The following XCR1 variants were observed in gnomAD, a reference collection of about 807,000 sequenced individuals.
XCR1 encodes X-C motif chemokine receptor 1, also known as chemokine XC receptor 1.
For missense variants in XCR1, 356 were observed against 424.2 expected (o/e 0.84, Z 1.41); for synonymous variants, 187 against 188.5 (o/e 0.99, Z 0.06).
chr3:46,047,965 G>A (rs1282530018), intron 5 of XCR1, among the ~76,000 whole-genome samples: 4 of 152,200 alleles, frequency 2.6e-5, no homozygotes, highest in Non-Finnish European at 1.5e-5. Flanking sequence ...CACAATTAGG[G>A]CGACTGGGCC....
At chr3:46,049,321 C>T (rs1697695801) in intron 5 of XCR1, among the ~76,000 whole-genome samples, 1 of 152,060 alleles carries the variant, frequency 6.6e-6, no homozygotes, top group Non-Finnish European at 1.5e-5. Flanking sequence ...TGAGTAAGGG[C>T]GGAAGTATTT....
chr3:46,043,717 T>TACACAC (rs144432920), intron 5 of XCR1, among the ~76,000 whole-genome samples: 6,299 of 141,330 alleles, frequency 0.045, 163 homozygotes, highest in Middle Eastern at 0.065. Context: ...ACCTCATCTC[T>TACACAC]ACACACACAC....
At chr3:46,056,985 C>G (rs1389732037) in intron 4 of XCR1, among the ~76,000 whole-genome samples, 1 of 152,108 alleles carries the variant, frequency 6.6e-6, no homozygotes, top group East Asian at 1.9e-4. Flanking sequence ...AAGGATAAAT[C>G]AACTGTGGAA....
At chr3:46,029,775 A>G (rs1400690220), upstream of XCR1, among the ~76,000 whole-genome samples, 1 of 152,230 alleles carries the variant, frequency 6.6e-6, no homozygotes, top group Non-Finnish European at 1.5e-5. Context: ...CGTTTTAACA[A>G]TATTGGGTCT....
chr3:46,084,640 C>T (rs1313935233), intron 1 of XCR1, among the ~76,000 whole-genome samples: 1 of 152,146 alleles, frequency 6.6e-6, no homozygotes, highest in Non-Finnish European at 1.5e-5. Context: ...TTTAAAAATC[C>T]ACTTGTACAG....
At chr3:46,025,281 A>G (rs1174900601) in intron 1 of XCR1, among the ~76,000 whole-genome samples, 2 of 152,220 alleles carry the variant, frequency 1.3e-5, no homozygotes, top group East Asian at 3.8e-4. Context: ...GCTCATGCCT[A>G]TAATTCCAAT....
At position 46,078,235 on chromosome 3, in the gene XCR1, C is replaced by T. The variant is rs13434141; in HGVS notation, c.-514-1309G>A. Among the ~76,000 whole-genome samples, 88 of 152,002 alleles carry T rather than the reference C, an allele frequency of 5.8e-4. 1 individual carries two copies. The highest frequency in any genetic ancestry group is 9.8e-4 in the Admixed American group (15 of 15,274). On this transcript the variant is annotated intron_variant, in intron 1 of 5. Coordinates refer to the XCR1 transcript ENST00000683768. Reference sequence around the variant, plus strand: ...ATGAATATATTTTGTGCCTCATCTTCTTCCTTTGGGGTCAGCATTTTTGGT... The same window carrying T: ...ATGAATATATTTTGTGCCTCATCTTTTTCCTTTGGGGTCAGCATTTTTGGT...
chr3:46,073,903 A>G lies in XCR1; in HGVS notation c.-263+748T>C, dbSNP rs1213211204. Among the ~76,000 whole-genome samples the G allele has an allele frequency of 2.0e-5, 3 of 151,146 alleles. No homozygotes were observed. The East Asian group carries it at 5.8e-4, about 29-fold the overall frequency. On this transcript the variant is annotated intron_variant, in intron 3 of 5. Coordinates refer to the XCR1 transcript ENST00000683768. ...ACCATCTTACACCAATCAGAATGGC[A>G]ATTAAAAAAAAAAAACCCAACAGAT...
rs1192293019 is a variant in XCR1 at position 46,019,099 on chromosome 3, C to G, written c.*1847G>C. On this transcript the variant is annotated 3_prime_UTR_variant, in exon 2 of 2. Coordinates refer to ENST00000309285, the MANE Select transcript of XCR1 (RefSeq NM_001024644.2). ...GAGAGGCAGGGATGCGTACCATGAA[C>G]TAGAAGGCAAGGTGAAGCATAGCCA... is the stretch of plus-strand genomic sequence containing the variant. 1.3e-5 allele frequency: 2 copies of G among 152,206 alleles called. No homozygotes were observed. Among genetic ancestry groups the G allele is most frequent in the Admixed American group, 6.5e-5 (1 of 15,278 alleles). 9.4% of individuals were successfully genotyped at this position (152,206 alleles called of 1,614,324 possible).
At chr3:46,079,694 G>A (rs949662644) in intron 1 of XCR1, among the ~76,000 whole-genome samples, 1 of 152,102 alleles carries the variant, frequency 6.6e-6, no homozygotes, top group Non-Finnish European at 1.5e-5. Context: ...CCACTATTAT[G>A]TATACCCCTT....
At chr3:46,024,643 A>G (rs1335121096) in intron 1 of XCR1, among the ~76,000 whole-genome samples, 2 of 152,134 alleles carry the variant, frequency 1.3e-5, no homozygotes, top group Admixed American at 1.3e-4. Flanking sequence ...GTTAATGCCC[A>G]TTTTGTTTAA....
chr3:46,052,306 G>A (rs1044193672), intron 5 of XCR1, among the ~76,000 whole-genome samples: 12 of 152,160 alleles, frequency 7.9e-5, no homozygotes, highest in East Asian at 1.9e-4. Context: ...TGCCTGAAAC[G>A]GGGTTGAGGT....
intron 1 of XCR1, chr3:46,023,496 GCTC>G (rs1708211887): frequency 1.3e-6 from 2 of 1,565,886 alleles, no homozygotes; most frequent in South Asian, 2.3e-5. Flanking sequence ...ACATGAAACA[GCTC>G]CTCCTCATCC....
At chr3:46,084,727 G>A (rs952584856) in intron 1 of XCR1, among the ~76,000 whole-genome samples, 2 of 152,198 alleles carry the variant, frequency 1.3e-5, no homozygotes, top group Non-Finnish European at 2.9e-5. Flanking sequence ...ACGCTTATAA[G>A]CAAGAGCTAA....
At chr3:46,076,577 GAAAA>G (rs3053293) in intron 2 of XCR1, among the ~76,000 whole-genome samples, 1,870 of 135,850 alleles carry the variant, frequency 0.014, 47 homozygotes, top group African/African-American at 0.045. Context: ...CCATTATTTT[GAAAA>G]AAAAAAAAAA....
At chr3:46,034,285 A>G (rs1697376899) in intron 5 of XCR1, among the ~76,000 whole-genome samples, 1 of 152,172 alleles carries the variant, frequency 6.6e-6, no homozygotes, top group Admixed American at 6.5e-5. Flanking sequence ...GCTGGTATTT[A>G]GAAGAGCCAA....
Position 46,021,853 on chromosome 3 carries a change from A to C in XCR1, c.95T>G (p.Leu32Arg). Residue 32 changes from leucine (L) to arginine (R), a missense_variant, in exon 2 of 2, where the codon CTC (leucine) becomes CGC (arginine). By Grantham distance (102) the Leu-to-Arg change is moderately radical. Transcript: ENST00000309285. This position sits in a 1 kb window ranked among gnomAD's most constrained non-coding sequence, Gnocchi z 4.7. ...CAGGCAGTATAGGACAGTGGTGGCG[A>C]GGGTAGCAAAGACCCAGGCCTGGTT... ...CENQAWVFAT[L>R]ATTVLYCLVF... 2 of 1,614,052 alleles carry C rather than the reference A, an allele frequency of 1.2e-6. No individual in the cohort carries two copies. Among genetic ancestry groups the C allele is most frequent in the Non-Finnish European group, 1.7e-6 (2 of 1,180,010 alleles).
intron 5 of XCR1, among the ~76,000 whole-genome samples, chr3:46,048,441 G>T (rs977276170): frequency 6.6e-6 from 1 of 152,146 alleles, no homozygotes; most frequent in African/African-American, 2.4e-5. Context: ...GTTGTCCCCA[G>T]GTTACGGGGG....
chr3:46,083,064 TCC>T (rs1337939677), intron 1 of XCR1, among the ~76,000 whole-genome samples: 1 of 152,204 alleles, frequency 6.6e-6, no homozygotes, highest in East Asian at 1.9e-4. Flanking sequence ...AACCTGTTTG[TCC>T]TATGTTTCAA....
Sources: gnomAD v4.1 joint callset for allele counts (sites outside exome capture counted in the v4.1 genomes callset) on GRCh38, gnomAD v4.1.1 for gene constraint, Gnocchi (gnomAD v3.1) non-coding constraint, MANE v1.5 for transcripts, NCBI Gene and HGNC (gene_info 2026-07-23, HGNC 2026-07-21) for gene names.